The following GRIN2B variants were observed in gnomAD, a reference collection of about 807,000 sequenced individuals.
GRIN2B encodes glutamate receptor ionotropic, NMDA 2B.
Under a neutral mutation model 114.5 loss-of-function variants are expected in GRIN2B, and 5 were observed. The ratio of observed to expected loss-of-function variants is 0.04; its 90% CI spans 0.02 to 0.09. The LOEUF (loss-of-function observed/expected upper bound fraction) is 0.09. Among genes scored for constraint, GRIN2B ranks in the 10% least tolerant of loss-of-function variants. GRIN2B has a pLI of 1.00. For synonymous variants in GRIN2B, 787 were observed against 745.1 expected, an observed-to-expected ratio of 1.06 and a Z score of -0.92; for missense variants, 1,108 against 1,943.5, an observed-to-expected ratio of 0.57 and a Z score of 8.08.
At position 13,544,762 on chromosome 12, in the gene GRIN2B, C is replaced by T. The variant is rs1443600392; in HGVS notation, c.*18021G>A. 6.6e-6 allele frequency: 1 copy of T among 152,118 alleles called. No individual in the cohort carries two copies. The highest frequency in any genetic ancestry group is 2.4e-5 in the African/African-American group (1 of 41,418). 9.4% of individuals were successfully genotyped at this position (152,118 alleles called of 1,614,324 possible). On this transcript the variant is annotated 3_prime_UTR_variant, in exon 14 of 14. Coordinates refer to ENST00000609686, the MANE Select transcript of GRIN2B (RefSeq NM_000834.5). ...GATTCTTTAAAACATTTCTGGAATC[C>T]AACTGCTTCTTATCACCTCCCCTGC...
chr12:13,722,758 C>T (rs562599236), intron 4 of GRIN2B, among the ~76,000 whole-genome samples: 100 of 152,090 alleles, frequency 6.6e-4, no homozygotes, highest in African/African-American at 2.3e-3. Context: ...AGATCCGTGG[C>T]TTCATCATCA....
rs116094738 is a variant in GRIN2B, at chr12:13,600,845, G to A, written c.2010+7758C>T. 9.8e-3 allele frequency among the ~76,000 whole-genome samples: 1,485 copies of A among 152,220 alleles called. 21 individuals carry two copies. Among genetic ancestry groups the A allele is most frequent in the African/African-American group, 0.034 (1,407 of 41,518 alleles). On this transcript the variant is annotated intron_variant, in intron 10 of 13. Transcript: ENST00000609686. ...TATTGTGAGAAACTAACATTAATCC[G>A]GCTCAAGGACACAGCAAAAGGGAGC... is the stretch of plus-strand genomic sequence containing the variant.
At chr12:13,814,438 A>G (rs921433233) in intron 3 of GRIN2B, among the ~76,000 whole-genome samples, 2 of 152,214 alleles carry the variant, frequency 1.3e-5, no homozygotes, top group Non-Finnish European at 1.5e-5. Flanking sequence ...ACTTATGACA[A>G]ATTTCACTGG....
chr12:13,697,002 G>A (rs1428058496), intron 4 of GRIN2B, among the ~76,000 whole-genome samples: 4 of 152,128 alleles, frequency 2.6e-5, no homozygotes, highest in Non-Finnish European at 5.9e-5. Flanking sequence ...AACCCAGCAG[G>A]AGGGGAAAGG....
At chr12:13,947,529 A>T (rs1161372480) in intron 2 of GRIN2B, among the ~76,000 whole-genome samples, 2 of 152,152 alleles carry the variant, frequency 1.3e-5, no homozygotes, top group Non-Finnish European at 2.9e-5. Context: ...AGACAATCAC[A>T]AGCCCATATA....
chr12:13,803,807 C>A (rs182593488), intron 3 of GRIN2B, among the ~76,000 whole-genome samples: 24 of 152,240 alleles, frequency 1.6e-4, no homozygotes, highest in Middle Eastern at 3.4e-3. Context: ...CATGTGGAAA[C>A]AACAATTCAC....
intron 2 of GRIN2B, among the ~76,000 whole-genome samples, chr12:13,866,670 A>G (rs943075699): frequency 7.9e-5 from 12 of 152,136 alleles, no homozygotes; most frequent in Non-Finnish European, 1.5e-4. Context: ...GGCTGGATAA[A>G]CTGGATGTGG....
chr12:13,863,128 T>C (rs1221639161), intron 3 of GRIN2B, among the ~76,000 whole-genome samples: 2 of 152,200 alleles, frequency 1.3e-5, no homozygotes, highest in Non-Finnish European at 2.9e-5. Flanking sequence ...GGGAAAGTGA[T>C]GAGAGGAGGT....
rs544820541 is a variant in GRIN2B at position 13,968,019 on chromosome 12, T to G, written c.-19+11909A>C. On this transcript the variant is annotated intron_variant, in intron 2 of 13. Coordinates refer to ENST00000609686, the MANE Select transcript of GRIN2B (RefSeq NM_000834.5). ...ACACATAAAGCTAGAAAGATTAGTT[T>G]TGCTCTCCTTTCTGACAAGTATTTA... Among the ~76,000 whole-genome samples the G allele has an allele frequency of 3.3e-3, 499 of 152,356 alleles. 2 individuals carry two copies. Among genetic ancestry groups the G allele is most frequent in the Non-Finnish European group, 4.3e-3 (290 of 68,034 alleles).
intron 8 of GRIN2B, among the ~76,000 whole-genome samples, chr12:13,614,820 T>A (rs1179327407): frequency 6.6e-6 from 1 of 152,224 alleles, no homozygotes; most frequent in African/African-American, 2.4e-5. Context: ...GCAAATTTGC[T>A]CAAGGTCACA....
At chr12:13,770,835 T>C (rs1186041931) in intron 3 of GRIN2B, among the ~76,000 whole-genome samples, 1 of 152,190 alleles carries the variant, frequency 6.6e-6, no homozygotes, top group Non-Finnish European at 1.5e-5. Context: ...GAACTAAAGA[T>C]ATTCTGTAAT....
intron 10 of GRIN2B, among the ~76,000 whole-genome samples, chr12:13,601,409 C>T (rs1949158482): frequency 6.6e-6 from 1 of 152,090 alleles, no homozygotes; most frequent in Non-Finnish European, 1.5e-5. Flanking sequence ...TGTGTCAAAT[C>T]TGTGTCTGCC....
At chr12:13,793,051 T>G (rs1460517400) in intron 3 of GRIN2B, among the ~76,000 whole-genome samples, 1 of 152,224 alleles carries the variant, frequency 6.6e-6, no homozygotes, top group Non-Finnish European at 1.5e-5. Context: ...TATTTCCAAC[T>G]GCATTTGTCA....
At chr12:13,978,457 T>A (rs1264447827) in intron 2 of GRIN2B, among the ~76,000 whole-genome samples, 6 of 152,228 alleles carry the variant, frequency 3.9e-5, no homozygotes, top group Admixed American at 3.9e-4. Flanking sequence ...GATAGTGAAT[T>A]TGGATTACAT....
intron 3 of GRIN2B, among the ~76,000 whole-genome samples, chr12:13,818,850 G>A (rs575786959): frequency 2.0e-5 from 3 of 152,112 alleles, no homozygotes; most frequent in African/African-American, 7.2e-5. Context: ...CATCATACAG[G>A]GGTCTCTTTC....
intron 2 of GRIN2B, among the ~76,000 whole-genome samples, chr12:13,913,390 C>A (rs1866658030): frequency 6.6e-6 from 1 of 152,072 alleles, no homozygotes; most frequent in African/African-American, 2.4e-5. Flanking sequence ...CTCCAGAAGG[C>A]TCTAACAGTG....
chr12:13,749,623 T>C (rs1863446213), intron 4 of GRIN2B, among the ~76,000 whole-genome samples: 1 of 152,198 alleles, frequency 6.6e-6, no homozygotes, highest in African/African-American at 2.4e-5. Context: ...TGTGGCTGCT[T>C]GGTTTGTTAT....
intron 3 of GRIN2B, among the ~76,000 whole-genome samples, chr12:13,859,885 A>G (rs1865726099): frequency 6.6e-6 from 1 of 152,222 alleles, no homozygotes; most frequent in South Asian, 2.1e-4. Flanking sequence ...TCTATGTCTT[A>G]ATACCCTTCA....
intron 2 of GRIN2B, among the ~76,000 whole-genome samples, chr12:13,928,061 G>A (rs891647955): frequency 1.3e-5 from 2 of 150,790 alleles, no homozygotes; most frequent in African/African-American, 2.4e-5. Flanking sequence ...CTGTAATCCC[G>A]GTACTTTGGG....
Sources: allele counts gnomAD v4.1 joint callset (sites outside exome capture counted in the v4.1 genomes callset), GRCh38; gene constraint gnomAD v4.1.1; transcripts MANE v1.5; gene names NCBI Gene and HGNC (gene_info 2026-07-23, HGNC 2026-07-21).